The following SCML4 variants were observed in gnomAD, a reference collection of about 807,000 sequenced individuals.
SCML4 encodes the protein Scm polycomb group protein like 4.
A neutral mutation model predicts 41.1 loss-of-function variants in SCML4; 34 were observed. That is an observed-to-expected ratio of 0.83 (90% CI 0.63 to 1.10). SCML4 has a LOEUF of 1.10. SCML4 is among the 50% of genes least tolerant of loss of function. The pLI is 0.00. For synonymous variants in SCML4, 214 were observed against 220.9 expected, an observed-to-expected ratio of 0.97 and a Z score of 0.28; for missense variants, 522 against 534.1, an observed-to-expected ratio of 0.98 and a Z score of 0.22.
intron 6 of SCML4, among the ~76,000 whole-genome samples, chr6:107,714,770 C>T (rs1774582607): frequency 6.6e-6 from 1 of 152,090 alleles, no homozygotes; most frequent in South Asian, 2.1e-4. Context: ...CAGGATTACT[C>T]ATTAGGTAGT....
At chr6:107,827,890 G>A (rs1785305731), upstream of SCML4, among the ~76,000 whole-genome samples, 1 of 152,192 alleles carries the variant, frequency 6.6e-6, no homozygotes, top group Admixed American at 6.5e-5. Context: ...ATTGAAAATG[G>A]CCTTTGTCCT....
intron 2 of SCML4, among the ~76,000 whole-genome samples, chr6:107,759,773 G>A (rs938101993): frequency 1.2e-4 from 19 of 152,254 alleles, no homozygotes; most frequent in African/African-American, 4.3e-4. Flanking sequence ...GAATGAGACA[G>A]CAAAAGTTCT....
chr6:107,838,405 C>T, the SCML4 span, among the ~76,000 whole-genome samples: 8 of 152,254 alleles, frequency 5.3e-5, no homozygotes, highest in Non-Finnish European at 8.8e-5. Flanking sequence ...ATGGGGCTTT[C>T]GTGAAGCTAA....
At chr6:107,796,551 A>T (rs1423040412) in intron 1 of SCML4, among the ~76,000 whole-genome samples, 1 of 152,200 alleles carries the variant, frequency 6.6e-6, no homozygotes, top group Non-Finnish European at 1.5e-5. Flanking sequence ...AAGTCCCATG[A>T]CAAATATAAG....
intron 1 of SCML4, among the ~76,000 whole-genome samples, chr6:107,788,634 C>T (rs1344254669): frequency 6.6e-6 from 1 of 152,104 alleles, no homozygotes; most frequent in Non-Finnish European, 1.5e-5. Flanking sequence ...AGATGATGCC[C>T]ATCTCATGGG....
At chr6:107,801,708 G>C (rs958183571) in intron 1 of SCML4, among the ~76,000 whole-genome samples, 2 of 152,186 alleles carry the variant, frequency 1.3e-5, no homozygotes, top group Non-Finnish European at 2.9e-5. Flanking sequence ...ACTGAGAAAT[G>C]TGGAATGGGG....
chr6:107,840,809 C>T, the SCML4 span, among the ~76,000 whole-genome samples: 1 of 152,132 alleles, frequency 6.6e-6, no homozygotes, highest in South Asian at 2.1e-4. Context: ...TGAACCCATG[C>T]TGCTCTGAGG....
chr6:107,724,586 A>G (rs1216913798), intron 5 of SCML4, among the ~76,000 whole-genome samples: 1 of 152,242 alleles, frequency 6.6e-6, no homozygotes, highest in African/African-American at 2.4e-5. Flanking sequence ...AAGTTCAAAC[A>G]TACTCTGAAA....
chr6:107,726,252 G>A (rs1775955748), intron 5 of SCML4, among the ~76,000 whole-genome samples: 1 of 150,782 alleles, frequency 6.6e-6, no homozygotes, highest in African/African-American at 2.4e-5. Context: ...ATTCTAGCTG[G>A]GCTGGGCGCG....
At chr6:107,711,236 T>C (rs1774178235) in intron 6 of SCML4, among the ~76,000 whole-genome samples, 1 of 152,214 alleles carries the variant, frequency 6.6e-6, no homozygotes, top group Non-Finnish European at 1.5e-5. Flanking sequence ...TACCAGGTGC[T>C]AGGTGAAGCG....
chr6:107,830,111 G>T, the SCML4 span, among the ~76,000 whole-genome samples: 1 of 152,138 alleles, frequency 6.6e-6, no homozygotes, highest in African/African-American at 2.4e-5. Flanking sequence ...CCACCCAAGG[G>T]CCTCTGAAGT....
intron 6 of SCML4, chr6:107,719,974 A>G: frequency 8.1e-6 from 8 of 985,480 alleles, no homozygotes; most frequent in Non-Finnish European, 9.6e-6. Context: ...TAGCCCTTAT[A>G]GCGCTTTTGT....
At chr6:107,806,957 T>G (rs1454634333) in intron 1 of SCML4, among the ~76,000 whole-genome samples, 1 of 151,966 alleles carries the variant, frequency 6.6e-6, no homozygotes, top group Admixed American at 6.6e-5. Context: ...TGGGCTCAGG[T>G]GCTCCTGTGC....
the SCML4 span, among the ~76,000 whole-genome samples, chr6:107,831,960 G>C: frequency 1.3e-5 from 2 of 152,094 alleles, no homozygotes; most frequent in African/African-American, 4.8e-5. Context: ...CTACTCGGGA[G>C]GCTGAGGCAG....
intron 7 of SCML4, among the ~76,000 whole-genome samples, chr6:107,706,831 A>T (rs1278921624): frequency 6.6e-6 from 1 of 152,102 alleles, no homozygotes; most frequent in Non-Finnish European, 1.5e-5. Flanking sequence ...AGATGATGGC[A>T]GGGGGACAGG....
intron 6 of SCML4, among the ~76,000 whole-genome samples, chr6:107,714,980 T>TA (rs1310407210): frequency 6.7e-6 from 1 of 149,590 alleles, no homozygotes; most frequent in Non-Finnish European, 1.5e-5. Context: ...ACCCTTTATT[T>TA]TTTTTTTTTT....
chr6:107,706,354 C>T (rs1773626661), intron 7 of SCML4, among the ~76,000 whole-genome samples: 1 of 152,226 alleles, frequency 6.6e-6, no homozygotes, highest in Non-Finnish European at 1.5e-5. Flanking sequence ...GCATAACCCA[C>T]TCTGTGGTTC....
At chr6:107,797,811 C>G (rs1782819658) in intron 1 of SCML4, among the ~76,000 whole-genome samples, 1 of 151,634 alleles carries the variant, frequency 6.6e-6, no homozygotes, top group South Asian at 2.1e-4. Flanking sequence ...TCTTAGTATC[C>G]TAAGAGGTTT....
At chr6:107,734,131 G>A (rs1443316638) in intron 5 of SCML4, among the ~76,000 whole-genome samples, 1 of 152,008 alleles carries the variant, frequency 6.6e-6, no homozygotes, top group Non-Finnish European at 1.5e-5. Flanking sequence ...AGTCCATTTG[G>A]CCTCTTTTTT....
Sources: allele counts gnomAD v4.1 joint callset (sites outside exome capture counted in the v4.1 genomes callset), GRCh38; gene constraint gnomAD v4.1.1; transcripts MANE v1.5; gene names NCBI Gene and HGNC (gene_info 2026-07-23, HGNC 2026-07-21).